CNBD2: variants seen among roughly 807,000 people sequenced by gnomAD.
The protein encoded by CNBD2 is cyclic nucleotide binding domain containing 2.
A neutral mutation model predicts 63.7 loss-of-function variants in CNBD2; 64 were observed. The observed-to-expected ratio is 1.00, with a 90% confidence interval of 0.82 to 1.24. The LOEUF (loss-of-function observed/expected upper bound fraction) is 1.24. Among genes scored for constraint, CNBD2 ranks in the 50% most tolerant of loss-of-function variants. The pLI, the probability that CNBD2 is intolerant of heterozygous loss-of-function variation, is 0.00. For missense variants in CNBD2, 691 were observed against 713.5 expected (o/e 0.97, Z 0.36); for synonymous variants, 229 against 255.4 (o/e 0.90, Z 0.99).
At position 36,030,654 on chromosome 20, in the gene CNBD2, G is replaced by T; in HGVS notation, c.*6G>T. Reference sequence around the variant, plus strand: ...TCCGAGAACTCTTGGCTTAGTGTAAGAGCACAGGGGTCCTTATTTAGGACA... The same window carrying T: ...TCCGAGAACTCTTGGCTTAGTGTAATAGCACAGGGGTCCTTATTTAGGACA... On this transcript the variant is annotated 3_prime_UTR_variant, in exon 12 of 12. Coordinates refer to ENST00000373973, the MANE Select transcript of CNBD2 (RefSeq NM_001365709.1). The T allele has an allele frequency of 6.2e-7, 1 of 1,613,586 alleles. No homozygotes were observed. The highest frequency in any genetic ancestry group is 8.5e-7 in the Non-Finnish European group (1 of 1,179,690).
chr20:36,011,079 G>A, intron 9 of CNBD2, 58 bp from the exon 10 acceptor site: 2 of 1,394,252 alleles, frequency 1.4e-6, no homozygotes, highest in African/African-American at 2.9e-5. Context: ...TGATTAGCCA[G>A]GGCCTCAGGA....
chr20:35,958,912 A>T (rs1269236828), downstream of CNBD2: 2 of 152,358 alleles, frequency 1.3e-5, no homozygotes, highest in East Asian at 3.9e-4. Flanking sequence ...TCCACTTGGC[A>T]CAATTCCCTG....
At chr20:35,959,755 G>A (rs142491836), downstream of CNBD2, among the ~76,000 whole-genome samples, 250 of 152,310 alleles carry the variant, frequency 1.6e-3, 1 homozygote, top group African/African-American at 5.9e-3. Context: ...TTAAGGTCTA[G>A]AGAGATTAAT....
intron 11 of CNBD2, among the ~76,000 whole-genome samples, chr20:36,025,948 T>G (rs2057277816): frequency 6.6e-6 from 1 of 152,140 alleles, no homozygotes; most frequent in Admixed American, 6.5e-5. Context: ...AAGAGAAAGA[T>G]AAATATAAAT....
intron 10 of CNBD2, among the ~76,000 whole-genome samples, chr20:36,014,774 G>A (rs1007844297): frequency 1.3e-5 from 2 of 151,842 alleles, no homozygotes; most frequent in Non-Finnish European, 2.9e-5. Flanking sequence ...TGAGACTACA[G>A]GTGTGTGCTG....
chr20:35,968,130 G>A (rs1178787898), upstream of CNBD2, among the ~76,000 whole-genome samples: 2 of 152,154 alleles, frequency 1.3e-5, no homozygotes, highest in African/African-American at 2.4e-5. Context: ...TGTAGTATAC[G>A]CATTCCTACC....
At chr20:36,005,196 C>G (rs566905254) in intron 8 of CNBD2, among the ~76,000 whole-genome samples, 1 of 152,156 alleles carries the variant, frequency 6.6e-6, no homozygotes, top group African/African-American at 2.4e-5. Flanking sequence ...CTTTTTGGCA[C>G]CAGAGGCTGG....
At chr20:35,966,166 G>A (rs2056343508), upstream of CNBD2, among the ~76,000 whole-genome samples, 1 of 152,182 alleles carries the variant, frequency 6.6e-6, no homozygotes, top group South Asian at 2.1e-4. Flanking sequence ...TTGCAGTGGG[G>A]GAGGCAAAAA....
At chr20:35,959,880 G>T (rs2056293158), downstream of CNBD2, among the ~76,000 whole-genome samples, 1 of 152,198 alleles carries the variant, frequency 6.6e-6, no homozygotes, top group South Asian at 2.1e-4. Context: ...GATCAGATTT[G>T]TGTTTTAGGA....
At chr20:36,029,550 A>G (rs571353256) in intron 11 of CNBD2, among the ~76,000 whole-genome samples, 44 of 152,174 alleles carry the variant, frequency 2.9e-4, no homozygotes, top group Admixed American at 1.4e-3. Context: ...ACAAGCATGG[A>G]GTTGAGAAGA....
At chr20:35,972,177 T>G (rs1163694961) in intron 1 of CNBD2, among the ~76,000 whole-genome samples, 2 of 152,224 alleles carry the variant, frequency 1.3e-5, no homozygotes, top group Non-Finnish European at 2.9e-5. Flanking sequence ...ATTCCTTGGC[T>G]TGTGGGCCCT....
At chr20:36,017,461 C>T (rs2057150862) in intron 10 of CNBD2, among the ~76,000 whole-genome samples, 1 of 152,162 alleles carries the variant, frequency 6.6e-6, no homozygotes, top group African/African-American at 2.4e-5. Flanking sequence ...GAAGGTCAGT[C>T]CAGTACTGTC....
chr20:36,012,157 A>T (rs2057070404), intron 10 of CNBD2, among the ~76,000 whole-genome samples: 1 of 152,122 alleles, frequency 6.6e-6, no homozygotes, highest in Admixed American at 6.6e-5. Flanking sequence ...AAAATTAGCC[A>T]GGCATGGTGG....
At chr20:35,956,096 G>A (rs1161022175), downstream of CNBD2, among the ~76,000 whole-genome samples, 5 of 152,190 alleles carry the variant, frequency 3.3e-5, no homozygotes, top group African/African-American at 7.2e-5. Flanking sequence ...CATATGAAAG[G>A]TTTTCTATGA....
chr20:35,989,504 CTTTA>C (rs2056713524), intron 7 of CNBD2, among the ~76,000 whole-genome samples: 1 of 152,128 alleles, frequency 6.6e-6, no homozygotes, highest in Non-Finnish European at 1.5e-5. Flanking sequence ...AGGCTGGAGG[CTTTA>C]AGAAGGGCTT....
intron 8 of CNBD2, among the ~76,000 whole-genome samples, chr20:35,997,109 A>AT (rs2056835734): frequency 6.6e-6 from 1 of 151,506 alleles, no homozygotes; most frequent in East Asian, 1.9e-4. Flanking sequence ...ATTTTTATTT[A>AT]TTTTTTTCCC....
At chr20:36,028,821 G>A (rs554046034) in intron 11 of CNBD2, among the ~76,000 whole-genome samples, 37 of 152,068 alleles carry the variant, frequency 2.4e-4, no homozygotes, top group African/African-American at 8.0e-4. Context: ...GATTACAGGC[G>A]TGTGCCACCA....
chr20:35,960,517 G>T (rs560654249), intron 2 of CNBD2, among the ~76,000 whole-genome samples: 46 of 152,116 alleles, frequency 3.0e-4, no homozygotes, highest in Non-Finnish European at 4.4e-4. Flanking sequence ...TTGTTTTTTT[G>T]TTTGTTTGTT....
upstream of CNBD2, among the ~76,000 whole-genome samples, chr20:35,967,775 T>G (rs1315800624): frequency 6.6e-6 from 1 of 151,968 alleles, no homozygotes; most frequent in African/African-American, 2.4e-5. Flanking sequence ...ATCACTTGAA[T>G]TTGGGAGGCA....
Sources: allele counts gnomAD v4.1 joint callset (sites outside exome capture counted in the v4.1 genomes callset), GRCh38; gene constraint gnomAD v4.1.1; transcripts MANE v1.5; gene names NCBI Gene and HGNC (gene_info 2026-07-23, HGNC 2026-07-21).